The following WWTR1 variants were observed in gnomAD, a reference collection of about 807,000 sequenced individuals.
The protein encoded by WWTR1 is WW domain-containing transcription regulator protein 1.
Under a neutral mutation model 40.1 loss-of-function variants are expected in WWTR1, and 13 were observed. That is an observed-to-expected ratio of 0.32 (90% CI 0.21 to 0.52). WWTR1 has a LOEUF of 0.52. WWTR1 is among the 20% of genes least tolerant of loss of function. The probability of loss-of-function intolerance (pLI) is 0.97; values close to 1 mark genes in which losing one functional copy is unlikely to be tolerated. For synonymous variants in WWTR1, 230 were observed against 210.1 expected, an observed-to-expected ratio of 1.09 and a Z score of -0.82; for missense variants, 436 against 523.1, an observed-to-expected ratio of 0.83 and a Z score of 1.63.
chr3:149,576,952 G>A (rs1576573681), intron 2 of WWTR1, among the ~76,000 whole-genome samples: 1 of 152,336 alleles, frequency 6.6e-6, no homozygotes, highest in East Asian at 1.9e-4. Flanking sequence ...GAGGTTGGGA[G>A]TTCGAGACCA....
upstream of WWTR1, among the ~76,000 whole-genome samples, chr3:149,704,447 G>A (rs1030677673): frequency 3.9e-5 from 6 of 152,122 alleles, no homozygotes; most frequent in East Asian, 5.8e-4. Flanking sequence ...ATATAACAGA[G>A]GGTCTCTAAG....
In WWTR1 at chr3:149,657,285, G is replaced by A; in HGVS notation, c.22C>T (p.Pro8Ser). ...TGCTGCCCAGGCGGCGGGAGCGGAG[G>A]GGGCGCCGAGGCCGGATTCATCTTC... MNPASAP[P>S]PLPPPGQQVI... is the part of the protein sequence containing the mutation. Residue 8 changes from proline (P) to serine (S), a missense_variant, in exon 2 of 7, where the codon CCT becomes TCT. Pro to Ser is a moderately conservative substitution (Grantham distance 74, BLOSUM62 -1). Transcript: ENST00000360632. The A allele has an allele frequency of 6.2e-7, 1 of 1,612,232 alleles. No individual in the cohort carries two copies. Among genetic ancestry groups the A allele is most frequent in the Non-Finnish European group, 8.5e-7 (1 of 1,179,208 alleles).
At chr3:149,553,656 G>A (rs1303389883) in intron 3 of WWTR1, among the ~76,000 whole-genome samples, 1 of 152,202 alleles carries the variant, frequency 6.6e-6, no homozygotes, top group Non-Finnish European at 1.5e-5. Context: ...ATAATGATAT[G>A]CAACTGAAAG....
intron 3 of WWTR1, among the ~76,000 whole-genome samples, chr3:149,569,339 CAT>C (rs1359341209): frequency 2.0e-5 from 3 of 152,140 alleles, no homozygotes; most frequent in Admixed American, 1.3e-4. Context: ...TGATAATAAA[CAT>C]ATATTTTAGC....
intron 6 of WWTR1, among the ~76,000 whole-genome samples, chr3:149,521,575 TTAGAG>T (rs1333850274): frequency 2.6e-5 from 4 of 152,336 alleles, no homozygotes; most frequent in East Asian, 3.9e-4. Context: ...GCTTTAAGTC[TTAGAG>T]TAAAGAAATC....
chr3:149,696,992 G>A (rs907692735), intron 1 of WWTR1, among the ~76,000 whole-genome samples: 3 of 152,156 alleles, frequency 2.0e-5, no homozygotes, highest in African/African-American at 4.8e-5. Flanking sequence ...CATTCCTGAT[G>A]TCTTAGCACG....
intron 2 of WWTR1, among the ~76,000 whole-genome samples, chr3:149,653,961 C>A (rs557308888): frequency 6.6e-6 from 1 of 152,074 alleles, no homozygotes; most frequent in Admixed American, 6.6e-5. Flanking sequence ...CAACTCCCAA[C>A]AGAGTCAAGA....
intron 4 of WWTR1, among the ~76,000 whole-genome samples, chr3:149,536,115 T>C (rs192279293): frequency 6.6e-6 from 1 of 152,292 alleles, no homozygotes; most frequent in East Asian, 1.9e-4. Context: ...CTGGGACATG[T>C]AAGCAAATAA....
At chr3:149,592,266 T>C (rs1393801532) in intron 2 of WWTR1, among the ~76,000 whole-genome samples, 4 of 152,244 alleles carry the variant, frequency 2.6e-5, no homozygotes, top group Non-Finnish European at 5.9e-5. Flanking sequence ...ATTTTATGTG[T>C]AACTTTTTTC....
chr3:149,536,682 G>A (rs933730347), intron 4 of WWTR1, among the ~76,000 whole-genome samples: 2 of 151,564 alleles, frequency 1.3e-5, no homozygotes, highest in African/African-American at 2.4e-5. Flanking sequence ...CTGTTGCCCC[G>A]GCGACCCGAG....
Position 149,521,009 on chromosome 3 carries a change from A to C in WWTR1, c.1019-20T>G. ...TTTCTCCTATAACAAAATGAAAAGAAACCATTTTAATTCCTTCTTTTAGGC... is the reference window on the plus strand; with the variant it reads ...TTTCTCCTATAACAAAATGAAAAGACACCATTTTAATTCCTTCTTTTAGGC... On this transcript the variant is annotated intron_variant, in intron 6 of 6. Coordinates refer to ENST00000360632, the MANE Select transcript of WWTR1 (RefSeq NM_015472.6). 1 of 1,557,218 alleles carries C rather than the reference A, an allele frequency of 6.4e-7. No homozygotes were observed. The highest frequency in any genetic ancestry group is 8.6e-7 in the Non-Finnish European group (1 of 1,156,454).
chr3:149,556,221 T>C (rs1169991458), intron 3 of WWTR1, among the ~76,000 whole-genome samples: 2 of 152,192 alleles, frequency 1.3e-5, no homozygotes, highest in Non-Finnish European at 2.9e-5. Context: ...TTTCACACTC[T>C]ATGGTAAAAT....
At chr3:149,614,364 G>C (rs960640936) in intron 2 of WWTR1, among the ~76,000 whole-genome samples, 19 of 152,256 alleles carry the variant, frequency 1.2e-4, no homozygotes, top group African/African-American at 4.1e-4. Flanking sequence ...AATACCTACA[G>C]TATTCAGTAC....
At chr3:149,602,673 A>G (rs1739293064) in intron 2 of WWTR1, among the ~76,000 whole-genome samples, 2 of 151,922 alleles carry the variant, frequency 1.3e-5, no homozygotes. Context: ...TTCCCCCCCA[A>G]CTTTTTTTTG....
In WWTR1 at chr3:149,567,540, T is replaced by C. The variant is rs115268820; in HGVS notation, c.568+5324A>G. ...AAACAAATATAAGTTGCAGTAACCA[T>C]GGTTGGGTCTTCCTGAAGGAGGAAT... On this transcript the variant is annotated intron_variant, in intron 3 of 6. Coordinates refer to ENST00000360632, the MANE Select transcript of WWTR1 (RefSeq NM_015472.6). 4.0e-3 allele frequency among the ~76,000 whole-genome samples: 612 copies of C among 152,308 alleles called. 6 individuals are homozygous for C. Among genetic ancestry groups the C allele is most frequent in the African/African-American group, 0.014 (575 of 41,560 alleles).
At chr3:149,706,025 T>C (rs1455507280), upstream of WWTR1, among the ~76,000 whole-genome samples, 1 of 152,016 alleles carries the variant, frequency 6.6e-6, no homozygotes, top group Non-Finnish European at 1.5e-5. Context: ...ACTCCGTCTC[T>C]ACAAAAAATA....
intron 1 of WWTR1, chr3:149,702,066 A>AC (rs1406670786): frequency 6.1e-6 from 1 of 163,332 alleles, no homozygotes; most frequent in African/African-American, 2.4e-5. Flanking sequence ...GATGTAACAA[A>AC]AAAAAAAAAA....
chr3:149,635,132 C>T (rs1257038209), intron 2 of WWTR1, among the ~76,000 whole-genome samples: 3 of 152,222 alleles, frequency 2.0e-5, no homozygotes, highest in Admixed American at 2.0e-4. Context: ...TCCTCTTCTC[C>T]TGGCTAGCTC....
chr3:149,649,549 T>C (rs894457475), intron 2 of WWTR1, among the ~76,000 whole-genome samples: 16 of 152,238 alleles, frequency 1.1e-4, no homozygotes, highest in African/African-American at 3.9e-4. Flanking sequence ...TTTTCTGCTA[T>C]GCCTAGACGG....
Sources: gnomAD v4.1 joint callset for allele counts (sites outside exome capture counted in the v4.1 genomes callset) on GRCh38, gnomAD v4.1.1 for gene constraint, MANE v1.5 for transcripts, NCBI Gene and HGNC (gene_info 2026-07-23, HGNC 2026-07-21) for gene names.